Variants in HAPLN1 observed in about 807,000 individuals in gnomAD.
HAPLN1 encodes Cartilage link protein.
In HAPLN1, 13 loss-of-function variants were observed where a neutral mutation model predicts 36.5. The observed-to-expected ratio is 0.36, with a 90% confidence interval of 0.23 to 0.57. The LOEUF (loss-of-function observed/expected upper bound fraction) is 0.57. Among genes scored for constraint, HAPLN1 ranks in the 20% least tolerant of loss-of-function variants. The pLI, the probability that HAPLN1 is intolerant of heterozygous loss-of-function variation, is 0.83. For synonymous variants in HAPLN1, 202 were observed against 169.8 expected (o/e 1.19, Z -1.48); for missense variants, 407 against 439.7 (o/e 0.93, Z 0.66).
chr5:83,715,810 T>TC (rs1305202710), intron 1 of HAPLN1, among the ~76,000 whole-genome samples: 4 of 152,220 alleles, frequency 2.6e-5, no homozygotes, highest in African/African-American at 9.6e-5. Flanking sequence ...GAAAATAATT[T>TC]TTAAAAATGC....
At chr5:83,682,516 T>G (rs1751028812) in intron 1 of HAPLN1, 1 of 152,222 alleles carries the variant, frequency 6.6e-6, no homozygotes, top group African/African-American at 2.4e-5. Flanking sequence ...ACTTCTGTTC[T>G]CTCCAATGCA....
chr5:83,673,793 C>A, intron 1 of HAPLN1: 3 of 356,060 alleles, frequency 8.4e-6, no homozygotes, highest in South Asian at 3.8e-5. Context: ...AATTGTAAAT[C>A]TAGAAATTTA....
intron 3 of HAPLN1, 101 bp from the exon 4 acceptor site, chr5:83,644,766 G>T: frequency 1.2e-6 from 1 of 806,088 alleles, no homozygotes. Context: ...CCCTCCATCA[G>T]ATGAGACAGT....
intron 2 of HAPLN1, among the ~76,000 whole-genome samples, chr5:83,655,243 G>A (rs1405285249): frequency 6.6e-6 from 1 of 152,100 alleles, no homozygotes; most frequent in Admixed American, 6.6e-5. Context: ...TAAATTAAAG[G>A]GTTAAGGCAA....
chr5:83,680,828 T>C (rs1170617480), intron 1 of HAPLN1, among the ~76,000 whole-genome samples: 2 of 152,168 alleles, frequency 1.3e-5, no homozygotes, highest in East Asian at 3.8e-4. Context: ...TCTATCATTA[T>C]ACACAAAGAT....
intron 1 of HAPLN1, among the ~76,000 whole-genome samples, chr5:83,703,284 G>A (rs1454189256): frequency 2.6e-5 from 4 of 151,892 alleles, no homozygotes; most frequent in African/African-American, 4.8e-5. Context: ...ACCTATTTTC[G>A]AGTTTACTAA....
intron 1 of HAPLN1, among the ~76,000 whole-genome samples, chr5:83,675,978 C>T (rs1050342064): frequency 6.6e-6 from 1 of 152,160 alleles, no homozygotes; most frequent in African/African-American, 2.4e-5. Context: ...TAACTTACAA[C>T]TATGATCTTA....
chr5:83,687,699 C>G (rs377066736), intron 1 of HAPLN1, among the ~76,000 whole-genome samples: 44 of 152,304 alleles, frequency 2.9e-4, no homozygotes, highest in African/African-American at 1.0e-3. Context: ...TTCTTCATAA[C>G]TGTTTTGCAA....
rs1019837181 is a variant in HAPLN1, at chr5:83,638,014, C to T, written c.*3482G>A. ...TTGATTTAGCGACACCATATAAATG[C>T]TCTTTTTTTTTTTTTGACTTTGCAA... On this transcript the variant is annotated 3_prime_UTR_variant, in exon 5 of 5. Coordinates refer to ENST00000274341, the MANE Select transcript of HAPLN1 (RefSeq NM_001884.4). The T allele has an allele frequency of 3.2e-5, 4 of 125,040 alleles. No homozygotes were observed. Among genetic ancestry groups the T allele is most frequent in the Non-Finnish European group, 5.0e-5 (3 of 59,816 alleles). The allele number at this position is 125,040 out of a possible 1,614,324, so 7.7% of individuals were successfully genotyped here.
intron 2 of HAPLN1, among the ~76,000 whole-genome samples, chr5:83,670,973 A>G (rs1214677894): frequency 1.3e-5 from 2 of 151,988 alleles, no homozygotes; most frequent in Non-Finnish European, 2.9e-5. Context: ...GATTACAGGT[A>G]TGAGCCACCA....
intron 1 of HAPLN1, among the ~76,000 whole-genome samples, chr5:83,705,401 AAAAAAAAAG>A (rs1751617831): frequency 6.6e-6 from 1 of 151,528 alleles, no homozygotes; most frequent in African/African-American, 2.4e-5. Context: ...AAAAAAAAAA[AAAAAAAAAG>A]AAAGAAAGAA....
chr5:83,641,697 T>A lies in HAPLN1; in HGVS notation c.864A>T (p.Lys288Asn), dbSNP rs1432802107. ...ACLNDGAQIAKVGQIFAAWKI... is the reference protein window; with the variant it reads ...ACLNDGAQIANVGQIFAAWKI... Reference sequence around the variant, plus strand: ...TCCAGGCAGCAAATATCTGGCCCACTTTTGCAATCTGAGCACCATCATTGA... The same window carrying A: ...TCCAGGCAGCAAATATCTGGCCCACATTTGCAATCTGAGCACCATCATTGA... The change falls in exon 5 of 5, where the codon AAA (lysine) becomes AAT (asparagine). Residue 288 changes from lysine (K) to asparagine (N), a missense_variant. Coordinates refer to ENST00000274341, the MANE Select transcript of HAPLN1 (RefSeq NM_001884.4). The A allele has an allele frequency of 6.2e-7, 1 of 1,614,210 alleles. No homozygotes were observed. Among genetic ancestry groups the A allele is most frequent in the Non-Finnish European group, 8.5e-7 (1 of 1,180,038 alleles).
At chr5:83,692,653 T>C (rs1037684340) in intron 1 of HAPLN1, among the ~76,000 whole-genome samples, 2 of 151,910 alleles carry the variant, frequency 1.3e-5, no homozygotes, top group African/African-American at 4.8e-5. Flanking sequence ...AGAAAAATGA[T>C]AACAGTTGGT....
At chr5:83,666,259 G>A (rs1750548526) in intron 2 of HAPLN1, among the ~76,000 whole-genome samples, 1 of 152,042 alleles carries the variant, frequency 6.6e-6, no homozygotes, top group African/African-American at 2.4e-5. Context: ...GGTAAAATCA[G>A]AGAATCAACA....
At chr5:83,694,884 G>T (rs1751355946) in intron 1 of HAPLN1, among the ~76,000 whole-genome samples, 2 of 152,040 alleles carry the variant, frequency 1.3e-5, no homozygotes, top group Non-Finnish European at 2.9e-5. Context: ...AGATTAAATT[G>T]AAGAGGAGAG....
At chr5:83,643,750 C>A (rs1749772347) in intron 4 of HAPLN1, among the ~76,000 whole-genome samples, 7 of 152,200 alleles carry the variant, frequency 4.6e-5, no homozygotes. Context: ...CAGCACCCAG[C>A]CCACATTTTC....
At chr5:83,673,390 T>G in intron 2 of HAPLN1, 34 bp downstream of exon 2, 1 of 1,421,194 alleles carries the variant, frequency 7.0e-7, no homozygotes, top group Non-Finnish European at 9.7e-7. Context: ...TTAAAATTAA[T>G]TAGGCTTTGA....
At chr5:83,718,915 A>G (rs1751968404) in intron 1 of HAPLN1, among the ~76,000 whole-genome samples, 1 of 152,230 alleles carries the variant, frequency 6.6e-6, no homozygotes, top group Admixed American at 6.5e-5. Context: ...GTGCATTGCT[A>G]TCTTAAGATT....
chr5:83,647,364 A>G (rs1749906205), intron 3 of HAPLN1, among the ~76,000 whole-genome samples: 1 of 152,234 alleles, frequency 6.6e-6, no homozygotes, highest in Admixed American at 6.5e-5. Flanking sequence ...TGTGCTGGAA[A>G]GAACATATTC....
Sources: gnomAD v4.1 joint callset for allele counts (sites outside exome capture counted in the v4.1 genomes callset) on GRCh38, gnomAD v4.1.1 for gene constraint, MANE v1.5 for transcripts, NCBI Gene and HGNC (gene_info 2026-07-23, HGNC 2026-07-21) for gene names.